The following NFATC1 variants were observed in gnomAD, a reference collection of about 807,000 sequenced individuals.
NFATC1 encodes nuclear factor of activated T cells 1.
In NFATC1, 22 loss-of-function variants were observed where a neutral mutation model predicts 76.0. The observed-to-expected ratio is 0.29, with a 90% CI of 0.21 to 0.41. The LOEUF (loss-of-function observed/expected upper bound fraction) is 0.41, where lower values mean the gene tolerates loss of function less well. Ranked by LOEUF, NFATC1 falls within the 10% of genes least tolerant of loss-of-function variation. The pLI is 1.00. For synonymous variants in NFATC1, 704 were observed against 613.1 expected (o/e 1.15, Z -2.19); for missense variants, 1,357 against 1,337.7 (o/e 1.01, Z -0.23).
intron 8 of NFATC1, among the ~76,000 whole-genome samples, chr18:79,484,136 G>T (rs530446556): frequency 6.6e-6 from 1 of 151,958 alleles, no homozygotes; most frequent in South Asian, 2.1e-4. Flanking sequence ...GAGCACACCC[G>T]TTCTCCCTCC....
intron 9 of NFATC1, among the ~76,000 whole-genome samples, chr18:79,488,576 C>A (rs2089590744): frequency 6.6e-6 from 1 of 152,184 alleles, no homozygotes; most frequent in African/African-American, 2.4e-5. Flanking sequence ...GTCTGACCTG[C>A]CTGCTGTCCT....
Position 79,440,729 on chromosome 18 carries a change from G to C in NFATC1, c.1386+6991G>C, listed in dbSNP as rs574308898. ...CATTTCTGAAGCCTCCCAGGTTTGTGCCCTGCTGTGTCTGAACAGCTCCGG... is the reference window on the plus strand; with the variant it reads ...CATTTCTGAAGCCTCCCAGGTTTGTCCCCTGCTGTGTCTGAACAGCTCCGG... On this transcript the variant is annotated intron_variant, in intron 3 of 9. Transcript: ENST00000427363. Among the ~76,000 whole-genome samples the C allele has an allele frequency of 6.6e-5, 10 of 152,400 alleles. No individual in the cohort carries two copies. In the East Asian group the frequency reaches 1.9e-3, roughly 29 times the overall value.
At chr18:79,438,586 A>C (rs2086863037) in intron 3 of NFATC1, among the ~76,000 whole-genome samples, 1 of 152,272 alleles carries the variant, frequency 6.6e-6, no homozygotes, top group African/African-American at 2.4e-5. Context: ...TGAAACGAGA[A>C]GCCTCGGCCC....
chr18:79,507,972 T>G (rs1035306102), intron 9 of NFATC1, among the ~76,000 whole-genome samples: 1 of 152,240 alleles, frequency 6.6e-6, no homozygotes, highest in Admixed American at 6.5e-5. Flanking sequence ...TGTTATGTAC[T>G]TTCCCTTTTC....
chr18:79,408,668 C>T (rs1015675306), intron 1 of NFATC1, among the ~76,000 whole-genome samples: 5 of 152,242 alleles, frequency 3.3e-5, no homozygotes, highest in Non-Finnish European at 7.3e-5. Flanking sequence ...AGTGATAAGC[C>T]TGTTAAAATC....
chr18:79,510,010 C>T (rs1045867802), intron 9 of NFATC1, among the ~76,000 whole-genome samples: 5 of 152,214 alleles, frequency 3.3e-5, no homozygotes, highest in African/African-American at 1.2e-4. Flanking sequence ...ACAGACATCT[C>T]GAAAGAGCCT....
intron 3 of NFATC1, among the ~76,000 whole-genome samples, chr18:79,434,084 C>T (rs954349213): frequency 6.6e-6 from 1 of 152,240 alleles, no homozygotes; most frequent in South Asian, 2.1e-4. Context: ...GCACCAGCCT[C>T]GCCTGGTGGG....
chr18:79,414,000 C>T (rs1292685018), intron 2 of NFATC1, among the ~76,000 whole-genome samples: 1 of 152,218 alleles, frequency 6.6e-6, no homozygotes, highest in East Asian at 1.9e-4. Context: ...CCCAAACTCG[C>T]TCCTGGGGTT....
Position 79,400,543 on chromosome 18 carries a change from C to T in NFATC1, c.127+4192C>T, listed in dbSNP as rs1156684760. The T allele has an allele frequency of 4.7e-6, 6 of 1,278,420 alleles. No individual in the cohort carries two copies. The African/African-American group carries it at 4.7e-5, about 10-fold the overall frequency. 79.2% of individuals were successfully genotyped at this position (1,278,420 alleles called of 1,614,324 possible). On this transcript the variant is annotated intron_variant, in intron 1 of 9. Transcript: ENST00000427363. The stretch of plus-strand genomic sequence containing the variant: ...GGTCGGGGTTTGGGGGCGCCCAGGC[C>T]CCCTCCGCGTCCTCGTCGCTCCCCG...
intron 3 of NFATC1, among the ~76,000 whole-genome samples, chr18:79,443,051 T>C (rs1380621479): frequency 6.6e-6 from 1 of 152,224 alleles, no homozygotes; most frequent in Non-Finnish European, 1.5e-5. Context: ...CGGTCAGGAC[T>C]GAGCCTGTGG....
intron 8 of NFATC1, among the ~76,000 whole-genome samples, chr18:79,476,163 T>C (rs951990219): frequency 6.6e-6 from 1 of 152,214 alleles, no homozygotes; most frequent in Admixed American, 6.5e-5. Context: ...CTCTGGGACA[T>C]GCGTGGGGCA....
At chr18:79,521,148 GTGTA>G (rs1408688139) in intron 9 of NFATC1, among the ~76,000 whole-genome samples, 7 of 92,952 alleles carry the variant, frequency 7.5e-5, no homozygotes, top group African/African-American at 2.2e-4. Flanking sequence ...CTGTGTGTGT[GTGTA>G]GGGGGGGAGC....
intron 1 of NFATC1, among the ~76,000 whole-genome samples, chr18:79,396,585 C>A (rs1411760282): frequency 1.3e-5 from 2 of 152,184 alleles, no homozygotes; most frequent in Non-Finnish European, 2.9e-5. Context: ...TGCCCCAGCG[C>A]TGAGGGCGCG....
chr18:79,471,825 A>G (rs886317123), intron 8 of NFATC1, among the ~76,000 whole-genome samples: 1 of 152,196 alleles, frequency 6.6e-6, no homozygotes, highest in Non-Finnish European at 1.5e-5. Context: ...GGGGTCCTTC[A>G]CCAGGGGTGG....
chr18:79,485,741 C>G (rs995258183), intron 8 of NFATC1, among the ~76,000 whole-genome samples: 2 of 152,250 alleles, frequency 1.3e-5, no homozygotes, highest in Non-Finnish European at 2.9e-5. Flanking sequence ...GGCAGTCCAG[C>G]CTCCATGACA....
chr18:79,492,901 CTTTTTTT>C (rs10605674), intron 9 of NFATC1, among the ~76,000 whole-genome samples: 21 of 87,238 alleles, frequency 2.4e-4, no homozygotes, highest in African/African-American at 1.0e-3. Flanking sequence ...ATGAATCCAG[CTTTTTTT>C]TTTTTTTTTT....
At position 79,410,583 on chromosome 18, in the gene NFATC1, C is replaced by T. The variant is rs1238566277; in HGVS notation, c.308C>T (p.Ser103Phe). 4.3e-6 allele frequency: 7 copies of T among 1,612,186 alleles called. No individual in the cohort carries two copies. The highest frequency in any genetic ancestry group is 5.9e-6 in the Non-Finnish European group (7 of 1,180,014). The change falls in exon 2 of 10, where the codon TCC becomes TTC. Residue 103 changes from serine to phenylalanine, a missense_variant. Around this residue, in one of 3 missense-constraint regions of NFATC1, gnomAD observed 691 missense variants for 613.1 expected, o/e 1.13. Transcript: ENST00000427363. This position sits in a 1 kb window ranked among gnomAD's most constrained non-coding sequence, Gnocchi z 6.7. The part of the protein sequence containing the change: ...LDGGPAGYFL[S>F]SGHTRPDGAP... ...GGTGGGCCCGCGGGCTACTTCCTCT[C>T]CTCCGGCCACACCAGGCCTGATGGG...
chr18:79,482,224 CCTG>C (rs1234871589), intron 8 of NFATC1, among the ~76,000 whole-genome samples: 1 of 141,708 alleles, frequency 7.1e-6, no homozygotes, highest in Non-Finnish European at 1.5e-5. Flanking sequence ...TCCAGCGTGA[CCTG>C]CTCCTGAGGT....
In NFATC1 at chr18:79,524,344, C is replaced by T. The variant is rs545068659; in HGVS notation, c.2783-3184C>T. Among the ~76,000 whole-genome samples, 16 of 152,338 alleles carry T rather than the reference C, an allele frequency of 1.1e-4. No homozygotes were observed. The South Asian group carries it at 1.7e-3, about 16-fold the overall frequency. ...CACGGCTCCACGTACGGCTCTCGTC[C>T]GCGGTGTGGATGGGTGGGCGGTACA... On this transcript the variant is annotated intron_variant, in intron 9 of 9. Transcript: ENST00000427363. The surrounding 1 kb of genome is among the most constrained non-coding windows in gnomAD (Gnocchi z 7.2).
Sources: gnomAD v4.1 joint callset for allele counts (sites outside exome capture counted in the v4.1 genomes callset) on GRCh38, gnomAD v4.1.1 for gene constraint, gnomAD v4.1.1 regional missense constraint, Gnocchi (gnomAD v3.1) non-coding constraint, MANE v1.5 for transcripts, NCBI Gene and HGNC (gene_info 2026-07-23, HGNC 2026-07-21) for gene names.